The following TMPRSS9 variants were observed in gnomAD, a reference collection of about 807,000 sequenced individuals.
TMPRSS9 encodes the protein transmembrane protease serine 9.
TMPRSS9 carries 113 observed loss-of-function variants against 111.4 expected under a neutral mutation model. The observed-to-expected ratio is 1.01, with a 90% CI of 0.87 to 1.19. The LOEUF (loss-of-function observed/expected upper bound fraction) is 1.19, where lower values mean the gene tolerates loss of function less well. Ranked by LOEUF, TMPRSS9 falls within the 50% of genes most tolerant of loss-of-function variation. The pLI is 0.00. For synonymous variants in TMPRSS9, 805 were observed against 659.1 expected, an observed-to-expected ratio of 1.22 and a Z score of -3.39; for missense variants, 1,803 against 1,513.1, an observed-to-expected ratio of 1.19 and a Z score of -3.18.
At chr19:2,423,966 G>GT in intron 14 of TMPRSS9, 123 bp from the exon 16 acceptor site, 1 of 1,052,914 alleles carries the variant, frequency 9.5e-7, no homozygotes, top group Non-Finnish European at 1.2e-6. Context: ...CCTGGGATAG[G>GT]TCCCCCATCA....
At chr19:2,389,855 G>T in exon 1 of TMPRSS9, 1 of 1,614,036 alleles carries the variant, frequency 6.2e-7, no homozygotes, top group Middle Eastern at 1.6e-4. Context: ...TCTGGATGCC[G>T]CGTGCTGTCG....
At chr19:2,405,324 G>T in intron 6 of TMPRSS9, 50 bp from the exon 8 acceptor site, 1 of 1,530,748 alleles carries the variant, frequency 6.5e-7, no homozygotes, top group Non-Finnish European at 8.7e-7. Context: ...GGAGTTCAGG[G>T]TGAGGTCCTG....
chr19:2,382,629 C>T lies in TMPRSS9; in HGVS notation c.-25-7132C>T, dbSNP rs143011077. On this transcript the variant is annotated intron_variant, in intron 1 of 17. Transcript: ENST00000649857. Reference sequence around the variant, plus strand: ...AGACACATGCACACACAAATGCACACGTACACACAGACCACACATGCACAC... The same window carrying T: ...AGACACATGCACACACAAATGCACATGTACACACAGACCACACATGCACAC... 2.1e-3 allele frequency among the ~76,000 whole-genome samples: 311 copies of T among 151,092 alleles called. 2 individuals are homozygous for T. The highest frequency in any genetic ancestry group is 6.8e-3 in the African/African-American group (282 of 41,180).
chr19:2,425,160 T>C, exon 16 of TMPRSS9: 1 of 1,569,148 alleles, frequency 6.4e-7, no homozygotes, highest in Non-Finnish European at 8.6e-7. Context: ...GCGGGGCCGG[T>C]GCGTCGCAGC....
chr19:2,363,553 G>A (rs565695789), intron 1 of TMPRSS9, among the ~76,000 whole-genome samples: 1 of 151,940 alleles, frequency 6.6e-6, no homozygotes, highest in East Asian at 2.0e-4. Context: ...GAGTGAGGTC[G>A]CGTGATTCCC....
intron 1 of TMPRSS9, among the ~76,000 whole-genome samples, chr19:2,378,605 C>T (rs945134411): frequency 6.6e-6 from 1 of 152,172 alleles, no homozygotes; most frequent in African/African-American, 2.4e-5. Flanking sequence ...GTAGTCCCAG[C>T]TACTTGGGAG....
At chr19:2,394,182 A>G (rs1362218293) in intron 1 of TMPRSS9, among the ~76,000 whole-genome samples, 1 of 151,408 alleles carries the variant, frequency 6.6e-6, no homozygotes, top group African/African-American at 2.4e-5. Flanking sequence ...CAGCCTGGCA[A>G]CAGAGTGTGA....
At chr19:2,379,347 G>C (rs1970362797) in intron 1 of TMPRSS9, among the ~76,000 whole-genome samples, 1 of 151,710 alleles carries the variant, frequency 6.6e-6, no homozygotes, top group South Asian at 2.1e-4. Context: ...CACCACGCCT[G>C]GCTAATTTTT....
rs562363755 is a variant in TMPRSS9, at chr19:2,371,918, G to C, written c.-26+11558G>C. Among the ~76,000 whole-genome samples, 9 of 152,278 alleles carry C rather than the reference G, an allele frequency of 5.9e-5. No homozygotes were observed. The South Asian group carries it at 1.9e-3, about 32-fold the overall frequency. The stretch of plus-strand genomic sequence containing the variant: ...TGGGCTGGAGGCTGGTCGAGCCACA[G>C]GCTCAATTTGGAGACATCAATGCTG... On this transcript the variant is annotated intron_variant, in intron 1 of 17. Coordinates refer to the TMPRSS9 transcript ENST00000649857.
At chr19:2,384,414 G>A (rs1023606513) in intron 1 of TMPRSS9, among the ~76,000 whole-genome samples, 6 of 152,088 alleles carry the variant, frequency 3.9e-5, no homozygotes, top group African/African-American at 1.2e-4. Context: ...GGTGGCTCCC[G>A]CCTGTAATCC....
intron 1 of TMPRSS9, among the ~76,000 whole-genome samples, chr19:2,374,411 A>AAAAATACTGTCTGTACTG (rs1970314453): frequency 6.6e-6 from 1 of 151,096 alleles, no homozygotes; most frequent in African/African-American, 2.4e-5. Context: ...CGTCTCTACT[A>AAAAATACTGTCTGTACTG]AAAAATACAA....
At chr19:2,399,029 C>T in exon 4 of TMPRSS9, 1 of 1,611,614 alleles carries the variant, frequency 6.2e-7, no homozygotes, top group Non-Finnish European at 8.5e-7. Context: ...GATGGGAACT[C>T]CAGTGTCCTC....
chr19:2,396,440 GGT>G, intron 1 of TMPRSS9, 97 bp from the exon 3 acceptor site: 1 of 1,402,220 alleles, frequency 7.1e-7, no homozygotes, highest in Non-Finnish European at 9.5e-7. Flanking sequence ...TGACCACCAG[GGT>G]GTGTGAGTGC....
chr19:2,421,389 C>T (rs543683187), intron 13 of TMPRSS9, among the ~76,000 whole-genome samples: 3 of 151,412 alleles, frequency 2.0e-5, no homozygotes, highest in South Asian at 2.1e-4. Context: ...CCCGGGTTCA[C>T]GCCATTCTCC....
chr19:2,392,005 G>C (rs911774808), intron 1 of TMPRSS9, among the ~76,000 whole-genome samples: 1 of 151,980 alleles, frequency 6.6e-6, no homozygotes, highest in African/African-American at 2.4e-5. Flanking sequence ...GCCTCCGAAA[G>C]TGCTGGGATT....
At chr19:2,396,913 G>GTTT (rs772988224) in intron 2 of TMPRSS9, among the ~76,000 whole-genome samples, 3 of 146,376 alleles carry the variant, frequency 2.0e-5, no homozygotes, top group African/African-American at 2.5e-5. Flanking sequence ...ACATTTAGAG[G>GTTT]TTTTTTTTTT....
At chr19:2,385,069 G>T (rs1246555823), upstream of TMPRSS9, among the ~76,000 whole-genome samples, 1 of 151,638 alleles carries the variant, frequency 6.6e-6, no homozygotes, top group South Asian at 2.1e-4. Context: ...GCCGAGGCGG[G>T]CGGATTACCT....
intron 13 of TMPRSS9, among the ~76,000 whole-genome samples, chr19:2,421,295 A>T (rs1045029922): frequency 9.1e-4 from 133 of 146,448 alleles, no homozygotes; most frequent in African/African-American, 1.4e-3. Flanking sequence ...TTATTTATTT[A>T]TTTTTTTTTT....
chr19:2,426,094 A>G (rs1404888341), exon 18 of TMPRSS9: 1 of 1,553,376 alleles, frequency 6.4e-7, no homozygotes, highest in South Asian at 1.1e-5. Context: ...AGTGACCACC[A>G]CGTGACTGCC....
Sources: allele counts gnomAD v4.1 joint callset (sites outside exome capture counted in the v4.1 genomes callset), GRCh38; gene constraint gnomAD v4.1.1; transcripts MANE v1.5; gene names NCBI Gene and HGNC (gene_info 2026-07-23, HGNC 2026-07-21).